The following CCDC141 variants were observed in gnomAD, a reference collection of about 807,000 sequenced individuals.
CCDC141 encodes coiled-coil domain containing 141.
A neutral mutation model predicts 181.0 loss-of-function variants in CCDC141; 168 were observed. That is an observed-to-expected ratio of 0.93 (90% confidence interval 0.82 to 1.05). CCDC141 has a LOEUF of 1.05. Ranked by LOEUF, CCDC141 falls within the 50% of genes least tolerant of loss-of-function variation. CCDC141 has a pLI of 0.00. For synonymous variants in CCDC141, 666 were observed against 642.3 expected, an observed-to-expected ratio of 1.04 and a Z score of -0.56; for missense variants, 1,902 against 1,788.5, an observed-to-expected ratio of 1.06 and a Z score of -1.14.
chr2:179,015,481 A>ATG (rs1334740277), intron 2 of CCDC141, among the ~76,000 whole-genome samples: 2 of 98,016 alleles, frequency 2.0e-5, no homozygotes, highest in Admixed American at 1.9e-4. Flanking sequence ...TATGTGCCAT[A>ATG]TATATCATAT....
At chr2:178,967,312 A>G (rs1434812685) in intron 4 of CCDC141, among the ~76,000 whole-genome samples, 1 of 152,206 alleles carries the variant, frequency 6.6e-6, no homozygotes, top group Non-Finnish European at 1.5e-5. Flanking sequence ...CAGATTCACC[A>G]AAGTTGAAAC....
At chr2:179,035,280 C>T (rs995113171) in intron 2 of CCDC141, among the ~76,000 whole-genome samples, 1 of 152,014 alleles carries the variant, frequency 6.6e-6, no homozygotes, top group African/African-American at 2.4e-5. Flanking sequence ...GGATTATCAC[C>T]CCATCTTTCA....
At chr2:178,870,627 C>A (rs896431836) in intron 14 of CCDC141, among the ~76,000 whole-genome samples, 1 of 152,028 alleles carries the variant, frequency 6.6e-6, no homozygotes, top group African/African-American at 2.4e-5. Context: ...GTAGCAGGTG[C>A]GGTGGTTATA....
intron 17 of CCDC141, 92 bp downstream of exon 17, chr2:178,865,675 G>A: frequency 8.5e-7 from 1 of 1,173,100 alleles, no homozygotes; most frequent in South Asian, 2.6e-5. Flanking sequence ...GCATGTGTGT[G>A]GGAGTGTGCA....
At chr2:178,861,055 C>A (rs1033210289) in intron 17 of CCDC141, among the ~76,000 whole-genome samples, 3 of 152,152 alleles carry the variant, frequency 2.0e-5, no homozygotes, top group Middle Eastern at 3.2e-3. Context: ...TATCCTCTTA[C>A]ACATACCATC....
chr2:178,963,862 G>A (rs1156324323), intron 4 of CCDC141, among the ~76,000 whole-genome samples: 3 of 151,762 alleles, frequency 2.0e-5, no homozygotes, highest in Admixed American at 6.6e-5. Context: ...AGTTAACAAC[G>A]TAAAGAAACG....
rs1445161312 is a variant in CCDC141 at position 178,833,862 on chromosome 2, T to C, written c.*311A>G. On this transcript the variant is annotated 3_prime_UTR_variant, in exon 24 of 24. Transcript: ENST00000443758. The stretch of plus-strand genomic sequence containing the variant: ...ATTTCTATGCCGATGTCAGCCTTCA[T>C]CTGCACGCCCTTAAATTAGGAGGGA... The C allele has an allele frequency of 1.2e-5, 3 of 250,366 alleles. No individual in the cohort carries two copies. The highest frequency in any genetic ancestry group is 1.6e-4 in the East Asian group (2 of 12,386). The allele number at this position is 250,366 out of a possible 1,614,324, so 15.5% of individuals were successfully genotyped here.
chr2:179,009,673 TG>T (rs960250544), intron 2 of CCDC141, among the ~76,000 whole-genome samples: 1 of 101,572 alleles, frequency 9.8e-6, no homozygotes, highest in Non-Finnish European at 2.0e-5. Flanking sequence ...GTGGCAGGGG[TG>T]GGGGGTGGGG....
At chr2:178,895,899 T>C (rs886436857) in intron 8 of CCDC141, among the ~76,000 whole-genome samples, 1 of 152,204 alleles carries the variant, frequency 6.6e-6, no homozygotes, top group African/African-American at 2.4e-5. Context: ...TGTTTTTGTT[T>C]GTTAAGATCT....
chr2:178,919,014 A>G (rs1688574759), intron 6 of CCDC141, 107 bp from the exon 7 acceptor site: 1 of 1,023,362 alleles, frequency 9.8e-7, no homozygotes. Context: ...AGGTGATGAT[A>G]TTAGGAAGTA....
At chr2:178,988,748 T>C (rs1367678188) in intron 2 of CCDC141, among the ~76,000 whole-genome samples, 1 of 152,128 alleles carries the variant, frequency 6.6e-6, no homozygotes, top group African/African-American at 2.4e-5. Context: ...ACTTCTAAAC[T>C]TCAAAACTTA....
At chr2:178,860,997 T>C (rs535135057) in intron 17 of CCDC141, among the ~76,000 whole-genome samples, 2 of 152,190 alleles carry the variant, frequency 1.3e-5, no homozygotes, top group African/African-American at 2.4e-5. Flanking sequence ...AATGTTAACA[T>C]TTTAACCTTA....
chr2:178,856,777 T>G lies in CCDC141; in HGVS notation c.2725-380A>C, dbSNP rs184345464. Among the ~76,000 whole-genome samples the G allele has an allele frequency of 6.9e-3, 1,049 of 152,074 alleles. 14 individuals carry two copies. The highest frequency in any genetic ancestry group is 0.021 in the South Asian group (100 of 4,812). Reference sequence around the variant, plus strand: ...TTTTTGTATTTTTAGTGGAGACAGGTTTTCACCATGTTGGCCAGACTGGTC... The same window carrying G: ...TTTTTGTATTTTTAGTGGAGACAGGGTTTCACCATGTTGGCCAGACTGGTC... On this transcript the variant is annotated intron_variant, in intron 17 of 23. Coordinates refer to ENST00000443758, the MANE Select transcript of CCDC141 (RefSeq NM_173648.4).
chr2:178,816,164 G>T, the CCDC141 span, among the ~76,000 whole-genome samples: 1 of 152,096 alleles, frequency 6.6e-6, no homozygotes, highest in African/African-American at 2.4e-5. Flanking sequence ...TAGTTTCAAT[G>T]CCCTAAACAT....
chr2:178,960,755 G>T (rs906803503), intron 5 of CCDC141, among the ~76,000 whole-genome samples: 6 of 152,074 alleles, frequency 3.9e-5, no homozygotes, highest in African/African-American at 1.4e-4. Flanking sequence ...TGCAGCTATG[G>T]GCCAAGGTCA....
At chr2:179,049,606 T>TA (rs2043612966) in intron 1 of CCDC141, among the ~76,000 whole-genome samples, 1 of 150,580 alleles carries the variant, frequency 6.6e-6, no homozygotes, top group Admixed American at 6.6e-5. Flanking sequence ...TTTTTTTTTT[T>TA]AAATCAAGCT....
chr2:179,014,410 C>A (rs933495153), intron 2 of CCDC141, among the ~76,000 whole-genome samples: 2 of 152,002 alleles, frequency 1.3e-5, no homozygotes, highest in East Asian at 3.9e-4. Context: ...TAAAAACAAA[C>A]ATAAATAGCT....
At chr2:179,033,946 C>T (rs2043068071) in intron 2 of CCDC141, among the ~76,000 whole-genome samples, 1 of 152,110 alleles carries the variant, frequency 6.6e-6, no homozygotes, top group Non-Finnish European at 1.5e-5. Flanking sequence ...CATAATATTT[C>T]ACAGTATGAA....
At chr2:178,944,287 C>T (rs1237280144) in intron 6 of CCDC141, among the ~76,000 whole-genome samples, 1 of 152,110 alleles carries the variant, frequency 6.6e-6, no homozygotes, top group Non-Finnish European at 1.5e-5. Context: ...ACTATAGTGC[C>T]TGGCACATAG....
Sources: allele counts gnomAD v4.1 joint callset (sites outside exome capture counted in the v4.1 genomes callset), GRCh38; gene constraint gnomAD v4.1.1; transcripts MANE v1.5; gene names NCBI Gene and HGNC (gene_info 2026-07-23, HGNC 2026-07-21).